CDIN1: variants seen among roughly 807,000 people sequenced by gnomAD.
CDIN1 encodes the protein CDAN1 interacting nuclease 1.
A neutral mutation model predicts 45.3 loss-of-function variants in CDIN1; 33 were observed. That is an observed-to-expected ratio of 0.73 (90% CI 0.55 to 0.97). The LOEUF (loss-of-function observed/expected upper bound fraction) is 0.97. Among genes scored for constraint, CDIN1 ranks in the 50% least tolerant of loss-of-function variants. The probability of loss-of-function intolerance (pLI) is 0.00; values close to 1 mark genes in which losing one functional copy is unlikely to be tolerated. For synonymous variants in CDIN1, 118 were observed against 124.4 expected (o/e 0.95, Z 0.34); for missense variants, 303 against 339.4 (o/e 0.89, Z 0.84).
intron 1 of CDIN1, among the ~76,000 whole-genome samples, chr15:36,611,130 T>C (rs1026163565): frequency 1.2e-4 from 18 of 152,214 alleles, no homozygotes; most frequent in African/African-American, 3.6e-4. Flanking sequence ...ACAGGCTTTT[T>C]TGGGGGAGGC....
chr15:36,610,097 T>C (rs926453278), intron 1 of CDIN1, among the ~76,000 whole-genome samples: 4 of 152,236 alleles, frequency 2.6e-5, no homozygotes, highest in Non-Finnish European at 4.4e-5. Context: ...TAAAGTAGTT[T>C]ATCAGCAAAA....
intron 1 of CDIN1, among the ~76,000 whole-genome samples, chr15:36,616,456 A>AT (rs1212490002): frequency 6.6e-6 from 1 of 151,812 alleles, no homozygotes; most frequent in Non-Finnish European, 1.5e-5. Flanking sequence ...CTAATTTTGT[A>AT]TTTTTAGTAG....
rs369772727 is a variant in CDIN1 at position 36,739,859 on chromosome 15, CA to C, written c.716+29904del. The stretch of plus-strand genomic sequence containing the variant: ...TGGCCATCTCTGCACATATCACATC[CA>C]AAAAATTTGAAAAATTAGTATTCTG... On this transcript the variant is annotated intron_variant, in intron 10 of 10. Coordinates refer to ENST00000566621, the MANE Select transcript of CDIN1 (RefSeq NM_001321759.2). 4.0e-3 allele frequency among the ~76,000 whole-genome samples: 608 copies of C among 152,198 alleles called. 5 individuals carry two copies. Among genetic ancestry groups the C allele is most frequent in the African/African-American group, 0.012 (488 of 41,538 alleles).
At chr15:36,799,048 T>C (rs899445778) in intron 10 of CDIN1, 2 of 152,216 alleles carry the variant, frequency 1.3e-5, no homozygotes, top group African/African-American at 4.8e-5. Context: ...TCAGCTGAAA[T>C]GATGGGTTTG....
chr15:36,770,679 C>A (rs12899766), intron 10 of CDIN1, among the ~76,000 whole-genome samples: 122,202 of 151,932 alleles, frequency 0.8, 51,797 homozygotes, highest in East Asian at 0.95. Context: ...AAACTCCTGA[C>A]CTCAAGTGAT....
At chr15:36,637,172 T>C (rs1039407221) in intron 1 of CDIN1, among the ~76,000 whole-genome samples, 1 of 152,202 alleles carries the variant, frequency 6.6e-6, no homozygotes, top group Non-Finnish European at 1.5e-5. Flanking sequence ...CACCAACGTG[T>C]GTGATCAATT....
At chr15:36,619,138 C>A in intron 1 of CDIN1, 1 of 1,110,748 alleles carries the variant, frequency 9.0e-7, no homozygotes, top group Non-Finnish European at 1.3e-6. Context: ...CTTCTGAGGC[C>A]ATACCATTCC....
chr15:36,580,460 C>G (rs541873543), intron 1 of CDIN1, among the ~76,000 whole-genome samples: 167 of 152,308 alleles, frequency 1.1e-3, no homozygotes, highest in African/African-American at 3.5e-3. Flanking sequence ...CAAGGGTTCT[C>G]AATCCAATCA....
chr15:36,580,018 C>T lies in CDIN1; in HGVS notation c.101+57C>T, dbSNP rs938487383. ...TTTGCCTGCAGCAGCAGTGCCTGGG[C>T]CGCCCAGGCAGCGCTTAGGAACCAC... On this transcript the variant is annotated intron_variant, in intron 1 of 10. Transcript: ENST00000566621. 4 of 1,499,456 alleles carry T rather than the reference C, an allele frequency of 2.7e-6. No individual in the cohort carries two copies. The African/African-American group carries it at 5.5e-5, about 21-fold the overall frequency. 92.9% of individuals were successfully genotyped at this position (1,499,456 alleles called of 1,614,324 possible).
intron 10 of CDIN1, among the ~76,000 whole-genome samples, chr15:36,715,029 G>A (rs2043175032): frequency 6.6e-6 from 1 of 152,168 alleles, no homozygotes; most frequent in African/African-American, 2.4e-5. Flanking sequence ...GCAGGACACG[G>A]ACCTCTCTTG....
chr15:36,593,009 GTTTCT>G (rs1484413338), intron 1 of CDIN1, among the ~76,000 whole-genome samples: 1 of 152,130 alleles, frequency 6.6e-6, no homozygotes, highest in African/African-American at 2.4e-5. Flanking sequence ...TAATTGGTAA[GTTTCT>G]TCAGTTTTTG....
At chr15:36,774,843 G>GT (rs767394418) in intron 10 of CDIN1, among the ~76,000 whole-genome samples, 9 of 152,186 alleles carry the variant, frequency 5.9e-5, no homozygotes, top group Non-Finnish European at 1.0e-4. Context: ...GCCTGCAGTT[G>GT]TTGACTGTAG....
intron 1 of CDIN1, among the ~76,000 whole-genome samples, chr15:36,587,711 C>T (rs146408268): frequency 6.5e-4 from 99 of 152,206 alleles, no homozygotes; most frequent in Non-Finnish European, 1.0e-3. Flanking sequence ...CTTCTTGCCT[C>T]CTATCACAGT....
At chr15:36,589,596 C>A (rs1297163557) in intron 1 of CDIN1, among the ~76,000 whole-genome samples, 1 of 152,066 alleles carries the variant, frequency 6.6e-6, no homozygotes, top group African/African-American at 2.4e-5. Flanking sequence ...AGCTCCGCCT[C>A]CTGGGTTCAC....
intron 10 of CDIN1, among the ~76,000 whole-genome samples, chr15:36,775,523 C>A (rs183249735): frequency 1.6e-4 from 24 of 152,250 alleles, no homozygotes; most frequent in African/African-American, 5.3e-4. Context: ...CTATGACAGG[C>A]CCTGATTAGA....
chr15:36,659,944 TTCTC>T (rs1180110933), intron 5 of CDIN1, among the ~76,000 whole-genome samples: 8 of 149,692 alleles, frequency 5.3e-5, no homozygotes, highest in Non-Finnish European at 8.9e-5. Flanking sequence ...GTCTTTTTCA[TTCTC>T]TCTTTTTCCT....
chr15:36,785,599 G>A (rs2054469447), intron 10 of CDIN1, among the ~76,000 whole-genome samples: 1 of 152,188 alleles, frequency 6.6e-6, no homozygotes, highest in African/African-American at 2.4e-5. Context: ...CTGAGCGGCT[G>A]ATTGGACTTG....
At chr15:36,751,800 T>C (rs1181786171) in intron 10 of CDIN1, among the ~76,000 whole-genome samples, 1 of 152,132 alleles carries the variant, frequency 6.6e-6, no homozygotes, top group Non-Finnish European at 1.5e-5. Context: ...ATATACACCA[T>C]GGAATACTAT....
At chr15:36,746,697 A>T (rs1368307633) in intron 10 of CDIN1, among the ~76,000 whole-genome samples, 1 of 145,472 alleles carries the variant, frequency 6.9e-6, no homozygotes, top group Non-Finnish European at 1.5e-5. Context: ...ACACACACAC[A>T]CTGCTACTTT....
Sources: gnomAD v4.1 joint callset for allele counts (sites outside exome capture counted in the v4.1 genomes callset) on GRCh38, gnomAD v4.1.1 for gene constraint, MANE v1.5 for transcripts, NCBI Gene and HGNC (gene_info 2026-07-23, HGNC 2026-07-21) for gene names.